MED24: variants seen among roughly 807,000 people sequenced by gnomAD.
MED24 encodes the protein mediator complex subunit 24.
In MED24, 74 loss-of-function variants were observed where a neutral mutation model predicts 118.8. That is an observed-to-expected ratio of 0.62 (90% CI 0.52 to 0.76). The LOEUF is 0.76. Among genes scored for constraint, MED24 ranks in the 30% least tolerant of loss-of-function variants. The pLI, the probability that MED24 is intolerant of heterozygous loss-of-function variation, is 0.00. For missense variants in MED24, 1,041 were observed against 1,278.9 expected, an observed-to-expected ratio of 0.81 and a Z score of 2.84; for synonymous variants, 521 against 523.9, an observed-to-expected ratio of 0.99 and a Z score of 0.08.
At chr17:40,052,508 A>G (rs1000987415) in intron 3 of MED24, among the ~76,000 whole-genome samples, 1 of 152,212 alleles carries the variant, frequency 6.6e-6, no homozygotes, top group Non-Finnish European at 1.5e-5. Flanking sequence ...GTTCACAGCT[A>G]TATTCCCCAG....
chr17:40,036,710 C>A (rs1195448687), intron 3 of MED24, among the ~76,000 whole-genome samples: 1 of 146,238 alleles, frequency 6.8e-6, no homozygotes, highest in Non-Finnish European at 1.5e-5. Context: ...AAAAAAAGCG[C>A]CTGCTACTCA....
intron 3 of MED24, among the ~76,000 whole-genome samples, chr17:40,050,819 C>T (rs903523394): frequency 2.6e-5 from 4 of 152,226 alleles, no homozygotes; most frequent in African/African-American, 7.2e-5. Context: ...GATTTCACCA[C>T]GATGCAATGT....
At position 40,035,319 on chromosome 17, in the gene MED24, T is replaced by A; in HGVS notation, c.357A>T (p.Gly119=). 1 of 1,597,920 alleles carries A rather than the reference T, an allele frequency of 6.3e-7. No individual in the cohort carries two copies. ...GGGCGCTAAGAAGGGCTCGGCACAG[T>A]CCGATGCATTCCTCTGCTTTGCCGT... The part of the protein sequence containing the change: ...SCHGKAEECI[G]LCRALLSALH... Residue 119 remains glycine, a synonymous_variant, in exon 6 of 26, where the codon GGA becomes GGT. Transcript: ENST00000394128.
rs759894139 is a variant in MED24 at position 40,019,820 on chromosome 17, G to A, written c.2818C>T (p.Arg940Cys). The A allele has an allele frequency of 1.9e-5, 30 of 1,605,186 alleles. No individual in the cohort carries two copies. Among genetic ancestry groups the A allele is most frequent in the East Asian group, 4.5e-5 (2 of 44,590 alleles). Reference protein sequence around the residue: ...ECVDCLEQGGRGSVLQFMPFT... With the variant: ...ECVDCLEQGGCGSVLQFMPFT... ...GGCATGAACTGCAGGACGCTGCCAC[G>A]GCCACCCTGCTCCAGGCAGTCCACA... The change falls in exon 25 of 26, where the codon CGT (arginine) becomes TGT (cysteine). Residue 940 changes from arginine (R) to cysteine (C), a missense_variant. Physicochemically the swap from Arg to Cys is radical, Grantham distance 180. Coordinates refer to ENST00000394128, the MANE Select transcript of MED24 (RefSeq NM_014815.4).
In MED24 at chr17:40,035,279, G is replaced by A. The variant is rs777860730; in HGVS notation, c.397C>T (p.Arg133Cys). The A allele has an allele frequency of 3.1e-6, 5 of 1,613,132 alleles. No homozygotes were observed. Among genetic ancestry groups the A allele is most frequent in the Non-Finnish European group, 3.4e-6 (4 of 1,179,464 alleles). The change falls in exon 6 of 26, where the codon CGC (arginine) becomes TGC (cysteine). Residue 133 changes from arginine to cysteine, a missense_variant. Arg to Cys is a radical substitution (Grantham distance 180). Transcript: ENST00000394128. ...CGCTCTGCAGAGGCTGCCGTGCAGC[G>A]CAGCAGCCAGTGGAGGGCGCTAAGA... ...ALLSALHWLLRCTAASAERLR... is the reference protein window; with the variant it reads ...ALLSALHWLLCCTAASAERLR...
At chr17:40,053,224 C>T (rs189824593) in intron 3 of MED24, 74 bp downstream of exon 3, 5 of 1,382,566 alleles carry the variant, frequency 3.6e-6, no homozygotes, top group Admixed American at 2.3e-5. Flanking sequence ...CATGAACCAC[C>T]GGGGCCCAAA....
At chr17:40,031,384 C>T in intron 11 of MED24, 139 bp from the exon 12 acceptor site, 4 of 1,209,872 alleles carry the variant, frequency 3.3e-6, no homozygotes, top group Non-Finnish European at 4.8e-6. Flanking sequence ...TAGAGGGGCT[C>T]TGGGGACTTG....
chr17:40,054,369 C>G lies in MED24; in HGVS notation c.-46G>C, dbSNP rs893880974. ...CCCAAATTTAAGCCTACCGCACAAT[C>G]CAGTTCTAGGTGGTAGGCATCGCCA... On this transcript the variant is annotated 5_prime_UTR_variant, in exon 1 of 26. Coordinates refer to ENST00000394128, the MANE Select transcript of MED24 (RefSeq NM_014815.4). 1 of 152,556 alleles carries G rather than the reference C, an allele frequency of 6.6e-6. No homozygotes were observed. Among genetic ancestry groups the G allele is most frequent in the Non-Finnish European group, 1.5e-5 (1 of 68,188 alleles). The allele number at this position is 152,556 out of a possible 1,614,324, so 9.5% of individuals were successfully genotyped here. A position where few individuals can be genotyped will look rare whatever the true frequency, so the allele number is the denominator to read the frequency against.
Position 40,023,377 on chromosome 17 carries a change from C to G in MED24, c.2004G>C (p.Ser668=), listed in dbSNP as rs778509847. 5 of 1,597,882 alleles carry G rather than the reference C, an allele frequency of 3.1e-6. No individual in the cohort carries two copies. In the Admixed American group the frequency reaches 6.8e-5, roughly 22 times the overall value. The change falls in exon 20 of 26, where the codon TCG becomes TCC. Residue 668 remains serine (S), a synonymous_variant. Coordinates refer to ENST00000394128, the MANE Select transcript of MED24 (RefSeq NM_014815.4). ...CGTCGGCACACATGCGCTCCAGGATCGAGTTCATGATCACCACCCTGGGGG... is the reference window on the plus strand; with the variant it reads ...CGTCGGCACACATGCGCTCCAGGATGGAGTTCATGATCACCACCCTGGGGG... ...FYNERVVIMN[S]ILERMCADVL...
chr17:40,021,258 G>A (rs1981963037), intron 23 of MED24: 1 of 152,380 alleles, frequency 6.6e-6, no homozygotes, highest in Non-Finnish European at 1.5e-5. Context: ...CAGATGAGGA[G>A]ACCCAGACGG....
intron 23 of MED24, 186 bp from the exon 24 acceptor site, chr17:40,020,539 G>A: frequency 7.2e-7 from 1 of 1,397,554 alleles, no homozygotes; most frequent in Non-Finnish European, 9.8e-7. Context: ...TGTAATCCCA[G>A]CATTTTGGGA....
chr17:40,029,511 A>G (rs1046947988), intron 13 of MED24, among the ~76,000 whole-genome samples: 3 of 152,142 alleles, frequency 2.0e-5, no homozygotes, highest in Non-Finnish European at 4.4e-5. Context: ...TGTTGTTTCC[A>G]TGTGAGATGG....
rs1480415468 is a variant in MED24 at position 40,046,602 on chromosome 17, C to T, written c.213+6696G>A. ...CTACTAAAAAATACAAAAAATTAGC[C>T]GGGCGTAGTGGCGGGCGCCTGTAGT... On this transcript the variant is annotated intron_variant, in intron 3 of 25. Transcript: ENST00000394128. Among the ~76,000 whole-genome samples the T allele has an allele frequency of 4.7e-5, 7 of 150,140 alleles. No individual in the cohort carries two copies. The East Asian group carries it at 1.0e-3, about 22-fold the overall frequency.
intron 3 of MED24, among the ~76,000 whole-genome samples, chr17:40,042,994 C>G (rs1984716433): frequency 6.6e-6 from 1 of 152,250 alleles, no homozygotes; most frequent in Non-Finnish European, 1.5e-5. Flanking sequence ...CTCTGTCACA[C>G]AGGCTAAAGT....
chr17:40,026,263 G>A lies in MED24; in HGVS notation c.1878C>T (p.Ala626=). The part of the protein sequence containing the change: ...LAVCAVAWLV[A]HVRMLGLDER... Reference sequence around the variant, plus strand: ...CATCCAGCCCCAGCATCCGGACGTGGGCCACAAGCCAAGCCACAGCACACA... The same window carrying A: ...CATCCAGCCCCAGCATCCGGACGTGAGCCACAAGCCAAGCCACAGCACACA... The change falls in exon 19 of 26, where the codon GCC becomes GCT. Residue 626 remains alanine, a synonymous_variant. Coordinates refer to ENST00000394128, the MANE Select transcript of MED24 (RefSeq NM_014815.4). 1 of 1,614,116 alleles carries A rather than the reference G, an allele frequency of 6.2e-7. No individual in the cohort carries two copies. Among genetic ancestry groups the A allele is most frequent in the Non-Finnish European group, 8.5e-7 (1 of 1,180,050 alleles).
At chr17:40,032,926 C>A in intron 8 of MED24, 130 bp downstream of exon 8, 1 of 1,404,950 alleles carries the variant, frequency 7.1e-7, no homozygotes, top group Non-Finnish European at 9.7e-7. Flanking sequence ...GTGTGCACGA[C>A]TGGCACCCAC....
Position 40,020,297 on chromosome 17 carries a change from G to A in MED24, c.2680C>T (p.Arg894Trp), listed in dbSNP as rs142219986. The change falls in exon 24 of 26, where the codon CGG (arginine) becomes TGG (tryptophan). Residue 894 changes from arginine to tryptophan, a missense_variant. Physicochemically the swap from Arg to Trp is moderately radical, Grantham distance 101. Coordinates refer to ENST00000394128, the MANE Select transcript of MED24 (RefSeq NM_014815.4). The part of the protein sequence containing the change: ...SASQLHTVNM[R>W]DPLNRVLANL... The stretch of plus-strand genomic sequence containing the variant: ...CCCAGGACTCGGTTCAGAGGGTCCC[G>A]CATGTTGACCGTGTGGAGCTGAGAG... 4.2e-5 allele frequency: 66 copies of A among 1,575,982 alleles called. No homozygotes were observed. The highest frequency in any genetic ancestry group is 6.0e-5 in the South Asian group (5 of 83,470).
In MED24 at chr17:40,034,567, T is replaced by A. The variant is rs1008339360; in HGVS notation, c.559+550A>T. Reference sequence around the variant, plus strand: ...CCAGGTGATCTGTCTGTTCTCAGGCTCTGGAAAGTACCCAAACTTAACATC... The same window carrying A: ...CCAGGTGATCTGTCTGTTCTCAGGCACTGGAAAGTACCCAAACTTAACATC... On this transcript the variant is annotated intron_variant, in intron 6 of 25. Transcript: ENST00000394128. 3.9e-5 allele frequency among the ~76,000 whole-genome samples: 6 copies of A among 152,172 alleles called. No homozygotes were observed. The South Asian group carries it at 1.2e-3, about 32-fold the overall frequency.
At chr17:40,035,880 C>T in intron 4 of MED24, 85 bp from the exon 5 acceptor site, 1 of 1,329,812 alleles carries the variant, frequency 7.5e-7, no homozygotes, top group South Asian at 1.3e-5. Flanking sequence ...TTCAGGACTC[C>T]TGCTCCTCTC....
Sources: allele counts gnomAD v4.1 joint callset (sites outside exome capture counted in the v4.1 genomes callset), GRCh38; gene constraint gnomAD v4.1.1; transcripts MANE v1.5; gene names NCBI Gene and HGNC (gene_info 2026-07-23, HGNC 2026-07-21).